ATP13A5: variants seen among roughly 807,000 people sequenced by gnomAD.
ATP13A5 encodes ATPase 13A5, also known as probable cation-transporting ATPase 13A5.
A neutral mutation model predicts 150.2 loss-of-function variants in ATP13A5; 149 were observed. The observed-to-expected ratio is 0.99, with a 90% CI of 0.87 to 1.14. The LOEUF (loss-of-function observed/expected upper bound fraction) is 1.14, where lower values mean the gene tolerates loss of function less well. Among genes scored for constraint, ATP13A5 ranks in the 50% most tolerant of loss-of-function variants. ATP13A5 has a pLI of 0.00. For synonymous variants in ATP13A5, 497 were observed against 522.2 expected (o/e 0.95, Z 0.66); for missense variants, 1,383 against 1,449.3 (o/e 0.95, Z 0.74).
intron 12 of ATP13A5, 110 bp from the exon 13 acceptor site, chr3:193,327,167 A>C: frequency 1.0e-6 from 1 of 964,182 alleles, no homozygotes; most frequent in Non-Finnish European, 1.5e-6. Context: ...CAGTAGTCTA[A>C]ATACCTTGTT....
intron 5 of ATP13A5, among the ~76,000 whole-genome samples, chr3:193,355,749 T>C (rs1712759362): frequency 6.6e-6 from 1 of 152,162 alleles, no homozygotes; most frequent in South Asian, 2.1e-4. Context: ...TCAAACCATT[T>C]CAGTACTCAG....
At chr3:193,349,974 G>A (rs1712502208) in intron 7 of ATP13A5, among the ~76,000 whole-genome samples, 1 of 152,006 alleles carries the variant, frequency 6.6e-6, no homozygotes. Flanking sequence ...AACATTATTT[G>A]TGGTGGCAAA....
intron 16 of ATP13A5, among the ~76,000 whole-genome samples, chr3:193,319,870 A>C (rs921406388): frequency 6.6e-6 from 1 of 152,190 alleles, no homozygotes; most frequent in South Asian, 2.1e-4. Flanking sequence ...TTGATTGTTC[A>C]TTGTCTATGG....
In ATP13A5 at chr3:193,324,965, G is replaced by A; in HGVS notation, c.1573C>T (p.Pro525Ser). 6.2e-7 allele frequency: 1 copy of A among 1,614,050 alleles called. No individual in the cohort carries two copies. The highest frequency in any genetic ancestry group is 8.5e-7 in the Non-Finnish European group (1 of 1,179,948). ...FASGQAVPWSPLCAAMASCHS... is the reference protein window; with the variant it reads ...FASGQAVPWSSLCAAMASCHS... ...CAGCTGGCCATGGCCGCACACAGTG[G>A]GCTCCATGGCACAGCCTGGCCTGAG... The change falls in exon 14 of 30, where the codon CCA becomes TCA. Residue 525 changes from proline (P) to serine (S), a missense_variant. Physicochemically the swap from Pro to Ser is moderately conservative, Grantham distance 74 (BLOSUM62 -1). Transcript: ENST00000342358.
intron 25 of ATP13A5, among the ~76,000 whole-genome samples, chr3:193,295,999 T>C (rs1473468854): frequency 6.6e-6 from 1 of 152,090 alleles, no homozygotes; most frequent in Non-Finnish European, 1.5e-5. Context: ...TTCATGGTAA[T>C]AGCAGAGGGA....
chr3:193,309,232 G>T (rs1309432197), intron 21 of ATP13A5, among the ~76,000 whole-genome samples: 2 of 152,236 alleles, frequency 1.3e-5, no homozygotes, highest in Admixed American at 1.3e-4. Flanking sequence ...TCCCTGCTGG[G>T]GCCAGATAAA....
In ATP13A5 at chr3:193,314,084, G is replaced by A. The variant is rs1390812630; in HGVS notation, c.2268C>T (p.Ala756=). ...EADEPEEFVP[A]SVTWQLVENQ... is the part of the protein sequence containing the mutation. Reference sequence around the variant, plus strand: ...TCTCCACCAGCTGCCAGGTCACAGAGGCAGGAACAAATTCTTCTGGTTCAT... The same window carrying A: ...TCTCCACCAGCTGCCAGGTCACAGAAGCAGGAACAAATTCTTCTGGTTCAT... The change falls in exon 19 of 30, where the codon GCC becomes GCT. Residue 756 remains alanine, a synonymous_variant. Transcript: ENST00000342358. The A allele has an allele frequency of 1.2e-6, 2 of 1,613,766 alleles. No individual in the cohort carries two copies. The highest frequency in any genetic ancestry group is 1.3e-5 in the African/African-American group (1 of 74,900).
intron 2 of ATP13A5, 21 bp from the exon 3 acceptor site, chr3:193,363,403 C>A: frequency 6.2e-7 from 1 of 1,604,492 alleles, no homozygotes; most frequent in South Asian, 1.1e-5. Flanking sequence ...CAATCCAGTT[C>A]ATGAAATTCT....
intron 8 of ATP13A5, 56 bp from the exon 9 acceptor site, chr3:193,344,111 A>T (rs1348675117): frequency 1.3e-6 from 2 of 1,582,442 alleles, no homozygotes; most frequent in African/African-American, 1.4e-5. Context: ...TTTACTTAAG[A>T]ATGAAGGCAA....
intron 26 of ATP13A5, among the ~76,000 whole-genome samples, chr3:193,286,759 G>C (rs1717739715): frequency 6.6e-6 from 1 of 152,096 alleles, no homozygotes; most frequent in Non-Finnish European, 1.5e-5. Context: ...TCAAGTGAAA[G>C]GAAGAGTCAC....
chr3:193,334,271 A>C (rs545789576), intron 10 of ATP13A5, among the ~76,000 whole-genome samples: 20 of 152,224 alleles, frequency 1.3e-4, no homozygotes, highest in Non-Finnish European at 2.5e-4. Flanking sequence ...AACAGAGGTC[A>C]GAGGTTAGAA....
At position 193,322,487 on chromosome 3, in the gene ATP13A5, A is replaced by G. The variant is rs367570221; in HGVS notation, c.1758+4T>C. The G allele has an allele frequency of 1.9e-6, 3 of 1,609,828 alleles. No individual in the cohort carries two copies. Among genetic ancestry groups the G allele is most frequent in the Non-Finnish European group, 1.7e-6 (2 of 1,176,294 alleles). On this transcript the variant is annotated splice_donor_region_variant and intron_variant, in intron 15 of 29. Transcript: ENST00000342358. ...GCTATGTGATGTAAAGAAGGAAATC[A>G]TACCTTACTGGCTTTTGGTCCTGGT...
At chr3:193,308,841 A>G (rs1256179351) in intron 21 of ATP13A5, among the ~76,000 whole-genome samples, 1 of 152,210 alleles carries the variant, frequency 6.6e-6, no homozygotes, top group Non-Finnish European at 1.5e-5. Context: ...TTTCTCAGGC[A>G]TTTGAAAAAG....
chr3:193,305,744 C>A, intron 22 of ATP13A5, 76 bp from the exon 23 acceptor site: 2 of 1,220,510 alleles, frequency 1.6e-6, no homozygotes, highest in African/African-American at 1.5e-5. Flanking sequence ...AGAGGCTGTT[C>A]TTCACATCAT....
At chr3:193,289,653 G>T (rs1717867188) in intron 26 of ATP13A5, among the ~76,000 whole-genome samples, 1 of 152,032 alleles carries the variant, frequency 6.6e-6, no homozygotes, top group African/African-American at 2.4e-5. Context: ...TATTCATTCA[G>T]CCAACCAGTT....
chr3:193,315,501 T>C (rs1719015410), intron 17 of ATP13A5, among the ~76,000 whole-genome samples: 1 of 152,340 alleles, frequency 6.6e-6, no homozygotes, highest in Non-Finnish European at 1.5e-5. Context: ...CAAGACACGA[T>C]AGTAGTAGTT....
intron 1 of ATP13A5, among the ~76,000 whole-genome samples, chr3:193,365,348 C>T (rs1247229286): frequency 2.0e-5 from 3 of 151,986 alleles, no homozygotes; most frequent in Non-Finnish European, 2.9e-5. Context: ...AAGATTTTTT[C>T]CATTGACCCT....
At position 193,324,969 on chromosome 3, in the gene ATP13A5, C is replaced by T. The variant is rs1719419529; in HGVS notation, c.1569G>A (p.Trp523Ter). ...HSFASGQAVP[W>*]SPLCAAMASC... Reference sequence around the variant, plus strand: ...TGGCCATGGCCGCACACAGTGGGCTCCATGGCACAGCCTGGCCTGAGGCAA... The same window carrying T: ...TGGCCATGGCCGCACACAGTGGGCTTCATGGCACAGCCTGGCCTGAGGCAA... Residue 523 changes from tryptophan to a stop codon, truncating the protein, a stop_gained, in exon 14 of 30, where the codon TGG becomes TGA. Coordinates refer to ENST00000342358, the MANE Select transcript of ATP13A5 (RefSeq NM_198505.4). LOFTEE classifies it high-confidence loss of function. The T allele has an allele frequency of 3.1e-6, 5 of 1,613,900 alleles. No individual in the cohort carries two copies. The highest frequency in any genetic ancestry group is 4.2e-6 in the Non-Finnish European group (5 of 1,179,936).
At chr3:193,286,589 T>C (rs1001787259) in intron 26 of ATP13A5, among the ~76,000 whole-genome samples, 1 of 152,226 alleles carries the variant, frequency 6.6e-6, no homozygotes, top group African/African-American at 2.4e-5. Context: ...TGTGCTTTTA[T>C]AAGAATGCAA....
Sources: gnomAD v4.1 joint callset for allele counts (sites outside exome capture counted in the v4.1 genomes callset) on GRCh38, gnomAD v4.1.1 for gene constraint, MANE v1.5 for transcripts, NCBI Gene and HGNC (gene_info 2026-07-23, HGNC 2026-07-21) for gene names.